SRD5A2: variants seen among roughly 807,000 people sequenced by gnomAD.
The protein encoded by SRD5A2 is steroid 5 alpha-reductase 2.
SRD5A2 carries 30 observed loss-of-function variants against 27.4 expected under a neutral mutation model. The observed-to-expected ratio is 1.10, with a 90% confidence interval of 0.82 to 1.49. SRD5A2 has a LOEUF of 1.49. SRD5A2 is among the 40% of genes most tolerant of loss of function. The probability of loss-of-function intolerance (pLI) is 0.00; values close to 1 mark genes in which losing one functional copy is unlikely to be tolerated. For missense variants in SRD5A2, 348 were observed against 323.4 expected (o/e 1.08, Z -0.58); for synonymous variants, 141 against 133.6 (o/e 1.06, Z -0.38).
chr2:31,554,969 A>G (rs368477310), intron 1 of SRD5A2, among the ~76,000 whole-genome samples: 7,495 of 96,368 alleles, frequency 0.078, 145 homozygotes, highest in South Asian at 0.15. Flanking sequence ...GTGTGTGTGT[A>G]TGTGTGTGTG....
chr2:31,546,108 T>G (rs1244949517), intron 1 of SRD5A2, among the ~76,000 whole-genome samples: 1 of 152,096 alleles, frequency 6.6e-6, no homozygotes, highest in Non-Finnish European at 1.5e-5. Context: ...GAAGACAATA[T>G]TTTTCAAATG....
chr2:31,607,427 C>A, the SRD5A2 span, among the ~76,000 whole-genome samples: 1 of 151,648 alleles, frequency 6.6e-6, no homozygotes, highest in Non-Finnish European at 1.5e-5. Context: ...TCTACAGAAG[C>A]AGCATTCTGA....
the SRD5A2 span, among the ~76,000 whole-genome samples, chr2:31,644,104 G>A: frequency 6.6e-6 from 1 of 152,098 alleles, no homozygotes; most frequent in Admixed American, 6.6e-5. Context: ...GTCAAATGTT[G>A]GGATAAGCAT....
chr2:31,544,282 A>G (rs1361844999), intron 1 of SRD5A2, among the ~76,000 whole-genome samples: 3 of 152,028 alleles, frequency 2.0e-5, no homozygotes, highest in Non-Finnish European at 4.4e-5. Flanking sequence ...TAGAATAACT[A>G]GACAGAATAT....
chr2:31,646,163 G>A, the SRD5A2 span, among the ~76,000 whole-genome samples: 111 of 151,952 alleles, frequency 7.3e-4, no homozygotes, highest in African/African-American at 2.3e-3. Context: ...AGGTGTGTGC[G>A]TGCACACACA....
the SRD5A2 span, among the ~76,000 whole-genome samples, chr2:31,635,743 AAGAT>A: frequency 6.6e-6 from 1 of 152,080 alleles, no homozygotes; most frequent in Non-Finnish European, 1.5e-5. Flanking sequence ...TGTATGCTGA[AAGAT>A]AGAGGTGTAG....
At chr2:31,540,697 C>T (rs1666112355) in intron 1 of SRD5A2, among the ~76,000 whole-genome samples, 1 of 152,196 alleles carries the variant, frequency 6.6e-6, no homozygotes. Context: ...TTGGATGGTA[C>T]ATTGCAGTTA....
chr2:31,534,751 T>G (rs549972305), intron 1 of SRD5A2, among the ~76,000 whole-genome samples: 44 of 152,320 alleles, frequency 2.9e-4, no homozygotes, highest in African/African-American at 1.0e-3. Context: ...TAATCACAGT[T>G]GCATTTTGGA....
rs527712674 is a variant in SRD5A2, at chr2:31,524,760, T to A, written c.*1436A>T. ...ATTTGTCAAAACAGTTTGCTAAATA[T>A]TGACAATGCATTCCGCAAACATAGG... On this transcript the variant is annotated 3_prime_UTR_variant, in exon 5 of 5. Coordinates refer to ENST00000622030, the MANE Select transcript of SRD5A2 (RefSeq NM_000348.4). 4.4e-6 allele frequency: 1 copy of A among 229,884 alleles called. No individual in the cohort carries two copies. Among genetic ancestry groups the A allele is most frequent in the Non-Finnish European group, 8.6e-6 (1 of 115,964 alleles). The allele number at this position is 229,884 out of a possible 1,614,324, so 14.2% of individuals were successfully genotyped here.
chr2:31,651,064 G>A, the SRD5A2 span, among the ~76,000 whole-genome samples: 1 of 152,252 alleles, frequency 6.6e-6, no homozygotes, highest in Non-Finnish European at 1.5e-5. Flanking sequence ...GGTGGGATAA[G>A]TGTCTGCGTA....
chr2:31,653,813 C>T, the SRD5A2 span, among the ~76,000 whole-genome samples: 2 of 152,144 alleles, frequency 1.3e-5, no homozygotes, highest in East Asian at 1.9e-4. Context: ...GTGCCCGCCA[C>T]CATGCCCAGC....
At chr2:31,599,223 G>C in the SRD5A2 span, among the ~76,000 whole-genome samples, 1 of 151,908 alleles carries the variant, frequency 6.6e-6, no homozygotes, top group South Asian at 2.1e-4. Flanking sequence ...GGAGACTTTA[G>C]CACCCCACTT....
At position 31,533,694 on chromosome 2, in the gene SRD5A2, G is replaced by C. The variant is rs753942411; in HGVS notation, c.354C>G (p.Phe118Leu). 52 of 1,588,534 alleles carry C rather than the reference G, an allele frequency of 3.3e-5. No individual in the cohort carries two copies. Among genetic ancestry groups the C allele is most frequent in the Non-Finnish European group, 4.3e-5 (50 of 1,166,892 alleles). ...PAILILRGTA[F>L]CTGNGVLQGY... is the part of the protein sequence containing the mutation. ...CTTGAAGGACTCCATTTCCAGTGCA[G>C]AAGGCAGTGCCTCTGAGAATGAGTA... Residue 118 changes from phenylalanine (F) to leucine (L), a missense_variant, in exon 2 of 5, where the codon TTC (phenylalanine) becomes TTG (leucine). By Grantham distance (22) the Phe-to-Leu change is conservative. Transcript: ENST00000622030.
At chr2:31,618,145 G>C in the SRD5A2 span, among the ~76,000 whole-genome samples, 1 of 152,178 alleles carries the variant, frequency 6.6e-6, no homozygotes, top group Non-Finnish European at 1.5e-5. Flanking sequence ...GCAGGCAAGA[G>C]AGCTTGTGCA....
intron 1 of SRD5A2, among the ~76,000 whole-genome samples, chr2:31,534,495 G>T (rs1010299717): frequency 6.6e-6 from 1 of 152,122 alleles, no homozygotes; most frequent in Non-Finnish European, 1.5e-5. Context: ...TTCCTAAACA[G>T]GGCAGATAAT....
intron 1 of SRD5A2, among the ~76,000 whole-genome samples, chr2:31,567,964 G>A (rs1048534389): frequency 2.0e-5 from 3 of 152,094 alleles, no homozygotes; most frequent in Non-Finnish European, 4.4e-5. Flanking sequence ...TGAGCGCAGG[G>A]TCCAGCCACT....
the SRD5A2 span, among the ~76,000 whole-genome samples, chr2:31,595,480 T>G: frequency 7.2e-5 from 11 of 152,018 alleles, no homozygotes; most frequent in Non-Finnish European, 1.0e-4. Flanking sequence ...TCTGGCAATA[T>G]ACAACCCTCC....
chr2:31,639,428 C>G, the SRD5A2 span, among the ~76,000 whole-genome samples: 1 of 151,986 alleles, frequency 6.6e-6, no homozygotes, highest in Non-Finnish European at 1.5e-5. Context: ...TTTATTTTAC[C>G]AGTGGGCTTT....
intron 1 of SRD5A2, among the ~76,000 whole-genome samples, chr2:31,565,479 C>G (rs1666711438): frequency 6.6e-6 from 1 of 151,516 alleles, no homozygotes; most frequent in Non-Finnish European, 1.5e-5. Flanking sequence ...AAGACAGAAA[C>G]AGATTAAAAG....
Sources: gnomAD v4.1 joint callset for allele counts (sites outside exome capture counted in the v4.1 genomes callset) on GRCh38, gnomAD v4.1.1 for gene constraint, MANE v1.5 for transcripts, NCBI Gene and HGNC (gene_info 2026-07-23, HGNC 2026-07-21) for gene names.